The following ACSS3 variants were observed in gnomAD, a reference collection of about 807,000 sequenced individuals.
ACSS3 encodes acyl-CoA synthetase short-chain family member 3, mitochondrial.
A neutral mutation model predicts 84.2 loss-of-function variants in ACSS3; 64 were observed. The ratio of observed to expected loss-of-function variants is 0.76; its 90% CI spans 0.62 to 0.94. The LOEUF is 0.94. Among genes scored for constraint, ACSS3 ranks in the 40% least tolerant of loss-of-function variants. The pLI, the probability that ACSS3 is intolerant of heterozygous loss-of-function variation, is 0.00. For synonymous variants in ACSS3, 317 were observed against 310.1 expected (o/e 1.02, Z -0.23); for missense variants, 815 against 867.6 (o/e 0.94, Z 0.76).
intron 8 of ACSS3, among the ~76,000 whole-genome samples, chr12:81,198,054 A>G (rs1295601203): frequency 6.6e-6 from 1 of 152,184 alleles, no homozygotes; most frequent in Non-Finnish European, 1.5e-5. Context: ...TAGTAATTCC[A>G]GAATTTTGCC....
chr12:81,233,593 G>C (rs922692520), intron 13 of ACSS3, 122 bp downstream of exon 13: 2 of 1,267,406 alleles, frequency 1.6e-6, no homozygotes, highest in African/African-American at 1.5e-5. Flanking sequence ...CAGAGGCTAG[G>C]TTACTCTTAC....
At chr12:81,213,866 T>C (rs2032755277) in intron 9 of ACSS3, among the ~76,000 whole-genome samples, 2 of 109,578 alleles carry the variant, frequency 1.8e-5, no homozygotes, top group African/African-American at 3.1e-5. Flanking sequence ...TTCTCTTCCT[T>C]TCTTTCTTTC....
chr12:81,236,932 A>AT (rs1593229493), intron 13 of ACSS3, among the ~76,000 whole-genome samples: 1 of 151,350 alleles, frequency 6.6e-6, no homozygotes, highest in East Asian at 2.0e-4. Context: ...GCTAATGGCA[A>AT]TTTTTCCTAC....
At chr12:81,173,236 A>T (rs2030213096) in intron 7 of ACSS3, among the ~76,000 whole-genome samples, 1 of 152,196 alleles carries the variant, frequency 6.6e-6, no homozygotes, top group Non-Finnish European at 1.5e-5. Context: ...AAAATTTGTG[A>T]GTGAAATTAT....
In ACSS3 at chr12:81,143,257, C is replaced by G. The variant is rs1886180231; in HGVS notation, c.921+10C>G. On this transcript the variant is annotated intron_variant, in intron 5 of 15. Transcript: ENST00000548058. ...AACGGGGTTACCTAAGGTACTCACT[C>G]TCTTAGAGATAACTATCTATAGCAG... The G allele has an allele frequency of 6.4e-7, 1 of 1,568,798 alleles. No individual in the cohort carries two copies. Among genetic ancestry groups the G allele is most frequent in the Non-Finnish European group, 8.7e-7 (1 of 1,148,822 alleles).
chr12:81,107,967 A>G (rs769924667), intron 1 of ACSS3, among the ~76,000 whole-genome samples: 8 of 152,050 alleles, frequency 5.3e-5, no homozygotes, highest in Non-Finnish European at 1.2e-4. Flanking sequence ...CTGACATTGC[A>G]TTAGCCAAAG....
chr12:81,241,545 A>G (rs1201498156), intron 13 of ACSS3, among the ~76,000 whole-genome samples: 1 of 152,050 alleles, frequency 6.6e-6, no homozygotes, highest in Non-Finnish European at 1.5e-5. Flanking sequence ...GTATGAGATG[A>G]TATCTCATTG....
chr12:81,195,764 T>A (rs1229101676), intron 8 of ACSS3, among the ~76,000 whole-genome samples: 1 of 152,114 alleles, frequency 6.6e-6, no homozygotes, highest in East Asian at 1.9e-4. Flanking sequence ...TTCTTAACAA[T>A]GACTAGTAAT....
chr12:81,229,274 A>C (rs7953542), intron 11 of ACSS3, among the ~76,000 whole-genome samples: 150,316 of 151,888 alleles, frequency 0.99, 74,395 homozygotes, highest in Middle Eastern at 1. Flanking sequence ...AAGCAGAATG[A>C]ATCTTCATCA....
chr12:81,246,226 T>C (rs1351970120), intron 13 of ACSS3, among the ~76,000 whole-genome samples: 31 of 152,152 alleles, frequency 2.0e-4, no homozygotes, highest in Non-Finnish European at 1.5e-5. Context: ...GGGCACACCT[T>C]AATTGCTGAC....
In ACSS3 at chr12:81,084,148, A is replaced by G. The variant is rs539128293; in HGVS notation, c.311+5717A>G. 1.9e-4 allele frequency among the ~76,000 whole-genome samples: 29 copies of G among 152,228 alleles called. No homozygotes were observed. In the South Asian group the frequency reaches 5.6e-3, roughly 29 times the overall value. On this transcript the variant is annotated intron_variant, in intron 1 of 15. Coordinates refer to ENST00000548058, the MANE Select transcript of ACSS3 (RefSeq NM_024560.4). Reference sequence around the variant, plus strand: ...GCCTGTCCCAGCCATTAACTTTTCCATTGTGATCATTTTTGTTTGCAGTGC... The same window carrying G: ...GCCTGTCCCAGCCATTAACTTTTCCGTTGTGATCATTTTTGTTTGCAGTGC...
rs201540854 is a variant in ACSS3 at position 81,254,926 on chromosome 12, G to A, written c.*4G>A. On this transcript the variant is annotated 3_prime_UTR_variant, in exon 16 of 16. Coordinates refer to ENST00000548058, the MANE Select transcript of ACSS3 (RefSeq NM_024560.4). ...AGAAATGCTGAAGCAAGCATAATGA[G>A]TTTGTCTTATTCCTATTTTGAGTTG... The A allele has an allele frequency of 3.7e-5, 59 of 1,592,352 alleles. No individual in the cohort carries two copies. Among genetic ancestry groups the A allele is most frequent in the Non-Finnish European group, 4.7e-5 (55 of 1,168,262 alleles).
chr12:81,231,462 G>T (rs939865577), intron 12 of ACSS3, among the ~76,000 whole-genome samples: 4 of 151,600 alleles, frequency 2.6e-5, no homozygotes, highest in Non-Finnish European at 5.9e-5. Flanking sequence ...TCCTCTACTG[G>T]ATTCCTCTGT....
At chr12:81,252,646 G>A (rs1002303150) in intron 13 of ACSS3, among the ~76,000 whole-genome samples, 1 of 151,920 alleles carries the variant, frequency 6.6e-6, no homozygotes, top group African/African-American at 2.4e-5. Context: ...ATTTTATGTG[G>A]TTACTCAACT....
At chr12:81,081,903 G>A (rs1881001756) in intron 1 of ACSS3, among the ~76,000 whole-genome samples, 1 of 152,160 alleles carries the variant, frequency 6.6e-6, no homozygotes, top group South Asian at 2.1e-4. Flanking sequence ...TACTAGCTGA[G>A]ATTAAGGTTG....
intron 10 of ACSS3, among the ~76,000 whole-genome samples, chr12:81,217,565 G>A (rs144352830): frequency 3.4e-4 from 52 of 152,244 alleles, no homozygotes; most frequent in African/African-American, 1.1e-3. Context: ...AAAACAGGCC[G>A]GAAGTGGTGG....
chr12:81,166,340 G>A (rs1887401968), intron 7 of ACSS3, among the ~76,000 whole-genome samples: 1 of 152,184 alleles, frequency 6.6e-6, no homozygotes, highest in East Asian at 1.9e-4. Flanking sequence ...TACAGTAGGA[G>A]GAACAACTGG....
intron 9 of ACSS3, among the ~76,000 whole-genome samples, chr12:81,215,556 AG>A (rs1392381717): frequency 6.6e-6 from 1 of 152,220 alleles, no homozygotes; most frequent in Non-Finnish European, 1.5e-5. Flanking sequence ...CCATGGTAGA[AG>A]GAACACATTC....
intron 7 of ACSS3, among the ~76,000 whole-genome samples, chr12:81,171,337 T>C: frequency 6.6e-6 from 1 of 152,190 alleles, no homozygotes; most frequent in East Asian, 1.9e-4. Flanking sequence ...CATCAGACTA[T>C]TTTTGAAACA....
Sources: allele counts gnomAD v4.1 joint callset (sites outside exome capture counted in the v4.1 genomes callset), GRCh38; gene constraint gnomAD v4.1.1; transcripts MANE v1.5; gene names NCBI Gene and HGNC (gene_info 2026-07-23, HGNC 2026-07-21).